PRKCQ: variants seen among roughly 807,000 people sequenced by gnomAD.
PRKCQ encodes protein kinase C theta.
In PRKCQ, 41 loss-of-function variants were observed where a neutral mutation model predicts 91.2. The ratio of observed to expected loss-of-function variants is 0.45; its 90% CI spans 0.35 to 0.58. The LOEUF (loss-of-function observed/expected upper bound fraction) is 0.58, where lower values mean the gene tolerates loss of function less well. PRKCQ is among the 20% of genes least tolerant of loss of function. The pLI is 0.00. For synonymous variants in PRKCQ, 307 were observed against 316.9 expected, an observed-to-expected ratio of 0.97 and a Z score of 0.33; for missense variants, 673 against 896.5, an observed-to-expected ratio of 0.75 and a Z score of 3.18.
At position 6,442,048 on chromosome 10, in the gene PRKCQ, C is replaced by T; in HGVS notation, c.1681G>A (p.Asp561Asn). The change falls in exon 16 of 18, where the codon GAC (aspartate) becomes AAC (asparagine). Residue 561 changes from aspartate to asparagine, a missense_variant. Asp to Asn is a conservative substitution (Grantham distance 23, BLOSUM62 1). Transcript: ENST00000263125. ...AGGAGAACCCCGAAGGACCACCAGT[C>T]CACAGAGTGGTTGTATTTCTGACCC... ...LLGQKYNHSV[D>N]WWSFGVLLYE... 1 of 1,614,034 alleles carries T rather than the reference C, an allele frequency of 6.2e-7. No individual in the cohort carries two copies. The highest frequency in any genetic ancestry group is 8.5e-7 in the Non-Finnish European group (1 of 1,179,966).
intron 12 of PRKCQ, among the ~76,000 whole-genome samples, chr10:6,473,041 T>C (rs958064100): frequency 1.3e-5 from 2 of 152,334 alleles, no homozygotes; most frequent in African/African-American, 4.8e-5. Context: ...TAATGAATCT[T>C]GTTAAAGATT....
chr10:6,503,724 A>G (rs1253848422), intron 4 of PRKCQ, among the ~76,000 whole-genome samples: 2 of 152,126 alleles, frequency 1.3e-5, no homozygotes, highest in Non-Finnish European at 2.9e-5. Context: ...CTATTTTAAG[A>G]GATATTCTCA....
intron 15 of PRKCQ, among the ~76,000 whole-genome samples, chr10:6,445,119 G>GTC (rs71479113): frequency 0.056 from 365 of 6,560 alleles, 10 homozygotes; most frequent in African/African-American, 0.081. Flanking sequence ...GCAAGACTCT[G>GTC]TCAAAAAAAA....
intron 1 of PRKCQ, among the ~76,000 whole-genome samples, chr10:6,573,491 T>C (rs905455867): frequency 3.9e-5 from 6 of 152,200 alleles, no homozygotes; most frequent in Admixed American, 2.0e-4. Flanking sequence ...TTGGTTCCCT[T>C]CTACATGTTC....
At chr10:6,549,762 C>G (rs1840109904) in intron 1 of PRKCQ, among the ~76,000 whole-genome samples, 3 of 151,502 alleles carry the variant, frequency 2.0e-5, no homozygotes, top group Non-Finnish European at 4.4e-5. Flanking sequence ...TCCCGAGTAG[C>G]TGAGATTACA....
intron 1 of PRKCQ, among the ~76,000 whole-genome samples, chr10:6,536,566 T>C (rs1308547062): frequency 1.3e-5 from 2 of 152,214 alleles, no homozygotes; most frequent in African/African-American, 4.8e-5. Flanking sequence ...TACGATTTTA[T>C]TATTATGCTC....
chr10:6,580,079 C>A (rs1199883156), intron 1 of PRKCQ, 132 bp downstream of exon 1: 1 of 152,274 alleles, frequency 6.6e-6, no homozygotes, highest in East Asian at 1.9e-4. Flanking sequence ...ATTTCCTACT[C>A]CGCCTGCTCA....
At chr10:6,404,697 CCTTTT>C in the PRKCQ span, among the ~76,000 whole-genome samples, 1 of 135,466 alleles carries the variant, frequency 7.4e-6, no homozygotes, top group Non-Finnish European at 1.6e-5. Context: ...TCCTTTCTTT[CCTTTT>C]TTCTTTCTTT....
chr10:6,482,891 C>G (rs1836683559), intron 11 of PRKCQ, among the ~76,000 whole-genome samples: 1 of 152,108 alleles, frequency 6.6e-6, no homozygotes, highest in Non-Finnish European at 1.5e-5. Flanking sequence ...ACAGAAAAAC[C>G]CATCCCCATG....
intron 3 of PRKCQ, among the ~76,000 whole-genome samples, chr10:6,509,159 C>T (rs147568490): frequency 1.2e-4 from 19 of 152,250 alleles, no homozygotes; most frequent in African/African-American, 4.6e-4. Context: ...CTGAATGCCA[C>T]CATGTGCTTA....
chr10:6,458,937 C>T (rs1835177559), intron 14 of PRKCQ, among the ~76,000 whole-genome samples: 1 of 152,198 alleles, frequency 6.6e-6, no homozygotes, highest in Non-Finnish European at 1.5e-5. Flanking sequence ...CCAGGGCTTA[C>T]ATCATCTTTG....
chr10:6,440,516 TC>T (rs1230673439), intron 16 of PRKCQ, among the ~76,000 whole-genome samples: 10 of 152,246 alleles, frequency 6.6e-5, no homozygotes, highest in African/African-American at 2.4e-4. Flanking sequence ...TCATCCTCTT[TC>T]CTCTCTCAGC....
chr10:6,557,998 AT>A (rs1271365765), intron 1 of PRKCQ, among the ~76,000 whole-genome samples: 1 of 152,094 alleles, frequency 6.6e-6, no homozygotes, highest in Admixed American at 6.5e-5. Context: ...TCTCTTAATA[AT>A]TTCATGATTC....
chr10:6,461,883 C>T (rs1298769443), intron 14 of PRKCQ, among the ~76,000 whole-genome samples: 3 of 151,894 alleles, frequency 2.0e-5, no homozygotes, highest in South Asian at 2.1e-4. Flanking sequence ...GACAGAAGAA[C>T]GTGAAATGAT....
chr10:6,507,533 T>C, intron 3 of PRKCQ, 37 bp from the exon 4 acceptor site: 1 of 1,575,806 alleles, frequency 6.3e-7, no homozygotes, highest in Non-Finnish European at 8.7e-7. Flanking sequence ...AGTCAGAATG[T>C]GAAACAAGCC....
chr10:6,502,264 A>T lies in PRKCQ; in HGVS notation c.380-3706T>A, dbSNP rs1043084292. 3.9e-5 allele frequency among the ~76,000 whole-genome samples: 6 copies of T among 152,330 alleles called. 1 individual carries two copies. The South Asian group carries it at 1.0e-3, about 26-fold the overall frequency. ...CAGGTGGAGGTAGGTGAAGGAGAGA[A>T]AGAGGGAAGTTGGAAAAGAAACGTC... On this transcript the variant is annotated intron_variant, in intron 4 of 17. Transcript: ENST00000263125.
chr10:6,462,500 C>G, intron 13 of PRKCQ, 135 bp from the exon 14 acceptor site: 1 of 706,524 alleles, frequency 1.4e-6, no homozygotes, highest in Non-Finnish European at 2.4e-6. Flanking sequence ...TTAATCCTAA[C>G]AAGGAAGATG....
At chr10:6,565,800 C>T (rs999014997) in intron 1 of PRKCQ, among the ~76,000 whole-genome samples, 4 of 152,290 alleles carry the variant, frequency 2.6e-5, no homozygotes, top group South Asian at 4.1e-4. Flanking sequence ...CACTGAATTA[C>T]GTTCCTCAAA....
At chr10:6,575,812 TGGGTGGA>T (rs1841208362) in intron 1 of PRKCQ, among the ~76,000 whole-genome samples, 2 of 152,104 alleles carry the variant, frequency 1.3e-5, no homozygotes, top group Admixed American at 6.5e-5. Flanking sequence ...GAGGCCAAGG[TGGGTGGA>T]TCATGAGGTC....
Sources: gnomAD v4.1 joint callset for allele counts (sites outside exome capture counted in the v4.1 genomes callset) on GRCh38, gnomAD v4.1.1 for gene constraint, MANE v1.5 for transcripts, NCBI Gene and HGNC (gene_info 2026-07-23, HGNC 2026-07-21) for gene names.